Variants in SYNE1 observed in about 807,000 individuals in gnomAD.
SYNE1 encodes the protein spectrin repeat containing nuclear envelope protein 1.
In SYNE1, 616 loss-of-function variants were observed where a neutral mutation model predicts 1,111.0. The observed-to-expected ratio is 0.55, with a 90% CI of 0.52 to 0.59. The LOEUF is 0.59. Ranked by LOEUF, SYNE1 falls within the 20% of genes least tolerant of loss-of-function variation. The probability of loss-of-function intolerance (pLI) is 0.00; values close to 1 mark genes in which losing one functional copy is unlikely to be tolerated. For missense variants in SYNE1, 10,006 were observed against 10,417.0 expected, an observed-to-expected ratio of 0.96 and a Z score of 1.72; for synonymous variants, 3,855 against 3,825.8, an observed-to-expected ratio of 1.01 and a Z score of -0.28.
Position 152,354,758 on chromosome 6 carries a change from T to A in SYNE1, c.10827A>T (p.Gln3609His). The change falls in exon 67 of 146, where the codon CAA becomes CAT. Residue 3609 changes from glutamine to histidine, a missense_variant. Coordinates refer to ENST00000367255, the MANE Select transcript of SYNE1 (RefSeq NM_182961.4). ...KLRLMEQKFQQVDEWLKTAEE... is the reference protein window; with the variant it reads ...KLRLMEQKFQHVDEWLKTAEE... ...CTGCTGTTTTGAGCCATTCATCTAC[T>A]TGCTGAAACTTTTGCTCCATTAGCC... is the stretch of plus-strand genomic sequence containing the variant. 6.2e-7 allele frequency: 1 copy of A among 1,614,234 alleles called. No homozygotes were observed. Among genetic ancestry groups the A allele is most frequent in the Non-Finnish European group, 8.5e-7 (1 of 1,180,050 alleles).
At chr6:152,183,331 T>C (rs1587108456) in intron 128 of SYNE1, among the ~76,000 whole-genome samples, 2 of 152,264 alleles carry the variant, frequency 1.3e-5, no homozygotes, top group Non-Finnish European at 2.9e-5. Context: ...TGTCTATGAA[T>C]CGAAGCTGGG....
intron 123 of SYNE1, among the ~76,000 whole-genome samples, chr6:152,213,398 C>T (rs1259156056): frequency 1.3e-5 from 2 of 152,130 alleles, no homozygotes; most frequent in Admixed American, 6.5e-5. Context: ...TGAAGATTGA[C>T]ACGTGCTTAT....
At position 152,354,669 on chromosome 6, in the gene SYNE1, T is replaced by C; in HGVS notation, c.10916A>G (p.His3639Arg). 3 of 1,614,198 alleles carry C rather than the reference T, an allele frequency of 1.9e-6. No individual in the cohort carries two copies. Among genetic ancestry groups the C allele is most frequent in the South Asian group, 1.1e-5 (1 of 91,078 alleles). Reference sequence around the variant, plus strand: ...CTACATGAGTTGTACCTTCATCTGATGTAATTGTATCTCCTTGGTTGCCCT... The same window carrying C: ...CTACATGAGTTGTACCTTCATCTGACGTAATTGTATCTCCTTGGTTGCCCT... ...SNRATKEIQLHQMKKWHEEVT... is the reference protein window; with the variant it reads ...SNRATKEIQLRQMKKWHEEVT... The change falls in exon 67 of 146, where the codon CAT becomes CGT. Residue 3639 changes from histidine (H) to arginine (R), a missense_variant. This residue lies in a region of SYNE1 where 4,955 missense variants were observed against 5,017.2 expected (regional missense o/e 0.99). Transcript: ENST00000367255.
rs754738610 is a variant in SYNE1 at position 152,465,251 on chromosome 6, A to G, written c.1932+7T>C. The G allele has an allele frequency of 2.5e-6, 4 of 1,613,238 alleles. No individual in the cohort carries two copies. The highest frequency in any genetic ancestry group is 1.7e-5 in the Admixed American group (1 of 59,924). Reference sequence around the variant, plus strand: ...ACGTCTTTTCTTTTTGCATGAACCAATCTTACCTTTTTGGCATTTTCTGAT... The same window carrying G: ...ACGTCTTTTCTTTTTGCATGAACCAGTCTTACCTTTTTGGCATTTTCTGAT... On this transcript the variant is annotated splice_region_variant and intron_variant, in intron 18 of 145. Transcript: ENST00000367255.
chr6:152,590,365 A>AT (rs58227444), intron 3 of SYNE1, among the ~76,000 whole-genome samples: 25 of 149,932 alleles, frequency 1.7e-4, no homozygotes, highest in South Asian at 1.1e-3. Flanking sequence ...GAGAAAATCC[A>AT]TTTTTTTTTC....
chr6:152,435,964 T>C lies in SYNE1; in HGVS notation c.4287A>G (p.Lys1429=). The part of the protein sequence containing the change: ...QAKSIKEQVK[K]LEDTLEEDIK... ...ACTCTTCTTCAAGCGTGTCTTCTAA[T>C]TTTTTGACTTGTTCTTTGATTGACT... is the stretch of plus-strand genomic sequence containing the variant. The change falls in exon 33 of 146, where the codon AAA becomes AAG. Residue 1429 remains lysine (K), a synonymous_variant. Transcript: ENST00000367255. 1 of 1,614,158 alleles carries C rather than the reference T, an allele frequency of 6.2e-7. No individual in the cohort carries two copies. The highest frequency in any genetic ancestry group is 8.5e-7 in the Non-Finnish European group (1 of 1,180,014).
chr6:152,306,997 A>G (rs1402721909), intron 91 of SYNE1, among the ~76,000 whole-genome samples: 4 of 152,220 alleles, frequency 2.6e-5, no homozygotes, highest in Non-Finnish European at 4.4e-5. Flanking sequence ...TACTCCAGAA[A>G]AGATTTTAAA....
At chr6:152,294,476 T>C (rs915892551) in intron 93 of SYNE1, among the ~76,000 whole-genome samples, 3 of 152,210 alleles carry the variant, frequency 2.0e-5, no homozygotes, top group African/African-American at 7.2e-5. Flanking sequence ...AAAGAGAATC[T>C]TAATGATCTA....
Position 152,526,088 on chromosome 6 carries a change from G to T in SYNE1, c.217C>A (p.Gln73Lys), listed in dbSNP as rs774912325. The part of the protein sequence containing the change: ...LLALLEVLSG[Q>K]KLPCEQGRRM... The stretch of plus-strand genomic sequence containing the variant: ...CACAAAAAAATTCTTACCAGTTTCT[G>T]CCCAGACAGGACCTCCAGAAGGGCA... The change falls in exon 5 of 146, where the codon CAG becomes AAG. Residue 73 changes from glutamine (Q) to lysine (K), a missense_variant. Around this residue, in one of 7 missense-constraint regions of SYNE1, gnomAD observed 1,971 missense variants for 2,084.1 expected, o/e 0.95. Coordinates refer to ENST00000367255, the MANE Select transcript of SYNE1 (RefSeq NM_182961.4). 16 of 1,613,888 alleles carry T rather than the reference G, an allele frequency of 9.9e-6. No individual in the cohort carries two copies. Among genetic ancestry groups the T allele is most frequent in the Non-Finnish European group, 1.4e-5 (16 of 1,179,878 alleles).
intron 122 of SYNE1, among the ~76,000 whole-genome samples, chr6:152,214,362 A>G (rs553742646): frequency 2.0e-5 from 3 of 152,300 alleles, no homozygotes; most frequent in African/African-American, 4.8e-5. Context: ...CGACTTTACA[A>G]TTTGAATTTC....
intron 97 of SYNE1, among the ~76,000 whole-genome samples, chr6:152,279,342 T>C (rs2093874886): frequency 6.6e-6 from 1 of 151,792 alleles, no homozygotes; most frequent in South Asian, 2.1e-4. Flanking sequence ...CTTTGAAATG[T>C]ACTTTCTTCT....
rs564104610 is a variant in SYNE1, at chr6:152,597,189, C to A, written c.67+31076G>T. Among the ~76,000 whole-genome samples the A allele has an allele frequency of 3.3e-5, 5 of 152,308 alleles. No individual in the cohort carries two copies. In the South Asian group the frequency reaches 1.0e-3, roughly 32 times the overall value. On this transcript the variant is annotated intron_variant, in intron 3 of 145. Transcript: ENST00000367255. ...TTGAGCAACATGTTTTCCCATTGAG[C>A]ATATGGAGAGAAATTTATTTTTAAA...
intron 41 of SYNE1, among the ~76,000 whole-genome samples, chr6:152,415,489 C>T (rs1454074670): frequency 2.6e-5 from 4 of 152,170 alleles, no homozygotes; most frequent in Non-Finnish European, 5.9e-5. Context: ...TTTCCTCCAA[C>T]ATCTGCCCTC....
intron 58 of SYNE1, 81 bp downstream of exon 58, chr6:152,376,300 A>G (rs917914515): frequency 9.2e-6 from 14 of 1,514,276 alleles, no homozygotes; most frequent in South Asian, 9.1e-5. Flanking sequence ...TCCGCGGCCC[A>G]GGAGATGGGG....
At chr6:152,477,587 T>C (rs1460939947) in intron 14 of SYNE1, among the ~76,000 whole-genome samples, 1 of 152,210 alleles carries the variant, frequency 6.6e-6, no homozygotes, top group Admixed American at 6.5e-5. Flanking sequence ...TAATATCCCA[T>C]GTCCTTTTAC....
intron 3 of SYNE1, among the ~76,000 whole-genome samples, chr6:152,605,011 AGAGAGAGAGAGAGAGAG>A (rs2099609281): frequency 1.2e-4 from 5 of 42,980 alleles, no homozygotes; most frequent in African/African-American, 5.1e-4. Context: ...AAAGAAAGAG[AGAGAGAGAGAGAGAGAG>A]AGAGAGAGGG....
At chr6:152,428,945 G>A (rs1164785056) in intron 36 of SYNE1, among the ~76,000 whole-genome samples, 1 of 151,868 alleles carries the variant, frequency 6.6e-6, no homozygotes, top group Non-Finnish European at 1.5e-5. Context: ...AACTTGTGAA[G>A]ATTATTAGTC....
intron 91 of SYNE1, among the ~76,000 whole-genome samples, chr6:152,304,466 C>T (rs2095311292): frequency 6.6e-6 from 1 of 152,172 alleles, no homozygotes; most frequent in Non-Finnish European, 1.5e-5. Flanking sequence ...TCCCAAGTAG[C>T]TGGAATTATA....
chr6:152,134,993 G>A, intron 142 of SYNE1, 111 bp downstream of exon 142: 3 of 1,486,132 alleles, frequency 2.0e-6, no homozygotes, highest in Non-Finnish European at 2.8e-6. Flanking sequence ...AGACTATAAT[G>A]CAAAAAGTTA....
Sources: gnomAD v4.1 joint callset for allele counts (sites outside exome capture counted in the v4.1 genomes callset) on GRCh38, gnomAD v4.1.1 for gene constraint, gnomAD v4.1.1 regional missense constraint, MANE v1.5 for transcripts, NCBI Gene and HGNC (gene_info 2026-07-23, HGNC 2026-07-21) for gene names.